The following PLD5 variants were observed in gnomAD, a reference collection of about 807,000 sequenced individuals.
The protein encoded by PLD5 is inactive phospholipase D5.
A neutral mutation model predicts 61.1 loss-of-function variants in PLD5; 36 were observed. The observed-to-expected ratio is 0.59, with a 90% CI of 0.45 to 0.78. The LOEUF (loss-of-function observed/expected upper bound fraction) is 0.78, where lower values mean the gene tolerates loss of function less well. Among genes scored for constraint, PLD5 ranks in the 30% least tolerant of loss-of-function variants. The pLI is 0.00. For synonymous variants in PLD5, 243 were observed against 242.8 expected, an observed-to-expected ratio of 1.00 and a Z score of -0.01; for missense variants, 515 against 644.4, an observed-to-expected ratio of 0.80 and a Z score of 2.17.
At chr1:242,157,100 A>G (rs552632630) in intron 5 of PLD5, among the ~76,000 whole-genome samples, 1 of 152,220 alleles carries the variant, frequency 6.6e-6, no homozygotes, top group East Asian at 1.9e-4. Flanking sequence ...TATTTCATTA[A>G]GTTGATCTTC....
At chr1:242,366,949 T>C (rs1435614683) in intron 1 of PLD5, among the ~76,000 whole-genome samples, 1 of 152,166 alleles carries the variant, frequency 6.6e-6, no homozygotes, top group Non-Finnish European at 1.5e-5. Flanking sequence ...CAGAAACATA[T>C]TGATTTGCAA....
At chr1:242,382,221 A>G (rs1662335174) in intron 1 of PLD5, among the ~76,000 whole-genome samples, 1 of 151,938 alleles carries the variant, frequency 6.6e-6, no homozygotes, top group African/African-American at 2.4e-5. Flanking sequence ...TTTATATGAG[A>G]TTCCTGTTAA....
At chr1:242,135,606 A>C (rs1442308636) in intron 5 of PLD5, among the ~76,000 whole-genome samples, 1 of 151,972 alleles carries the variant, frequency 6.6e-6, no homozygotes, top group Non-Finnish European at 1.5e-5. Flanking sequence ...TATTGATGGA[A>C]AGATACTGGA....
chr1:242,460,626 CACAT>C (rs1161689042), intron 1 of PLD5, among the ~76,000 whole-genome samples: 5 of 151,640 alleles, frequency 3.3e-5, no homozygotes, highest in Non-Finnish European at 7.3e-5. Context: ...ACACAAACAA[CACAT>C]ACATACATAC....
At chr1:242,213,531 A>T (rs1245339690) in intron 5 of PLD5, among the ~76,000 whole-genome samples, 1 of 152,094 alleles carries the variant, frequency 6.6e-6, no homozygotes, top group Non-Finnish European at 1.5e-5. Context: ...GTAAGACCTC[A>T]AAAGGTTAAA....
intron 1 of PLD5, among the ~76,000 whole-genome samples, chr1:242,382,080 T>C (rs1199734277): frequency 1.3e-5 from 2 of 149,826 alleles, no homozygotes; most frequent in Non-Finnish European, 3.0e-5. Context: ...AAACAGTGGG[T>C]GATTCCCGGG....
intron 5 of PLD5, among the ~76,000 whole-genome samples, chr1:242,207,611 C>T (rs937925429): frequency 6.6e-6 from 1 of 150,958 alleles, no homozygotes; most frequent in Non-Finnish European, 1.5e-5. Context: ...CTTTTTTTCC[C>T]ACTCTATTCA....
At chr1:242,163,812 T>C (rs376413090) in intron 5 of PLD5, among the ~76,000 whole-genome samples, 1 of 152,088 alleles carries the variant, frequency 6.6e-6, no homozygotes, top group African/African-American at 2.4e-5. Flanking sequence ...AAGAGCAGGA[T>C]GAGCAGGGAG....
chr1:242,446,590 A>C (rs1397482217), intron 1 of PLD5, among the ~76,000 whole-genome samples: 6 of 152,178 alleles, frequency 3.9e-5, no homozygotes, highest in Non-Finnish European at 7.3e-5. Context: ...AAAAGAAAAA[A>C]GAAATTTAAC....
intron 1 of PLD5, among the ~76,000 whole-genome samples, chr1:242,453,217 G>A (rs1239494103): frequency 6.6e-6 from 1 of 152,162 alleles, no homozygotes; most frequent in African/African-American, 2.4e-5. Context: ...TCCCCCAGGT[G>A]AGGACACAGG....
At chr1:242,205,536 C>T (rs1478759987) in intron 5 of PLD5, among the ~76,000 whole-genome samples, 1 of 152,146 alleles carries the variant, frequency 6.6e-6, no homozygotes. Context: ...GCCCAGGTAA[C>T]CTTCTATATC....
At chr1:242,163,480 A>G (rs570294645) in intron 5 of PLD5, among the ~76,000 whole-genome samples, 27 of 152,308 alleles carry the variant, frequency 1.8e-4, no homozygotes, top group Non-Finnish European at 2.1e-4. Flanking sequence ...AGAAGAGAGA[A>G]ATCCTGTGTG....
In PLD5 at chr1:242,149,352, CA is replaced by C. The variant is rs1453536768; in HGVS notation, c.736-24688del. Among the ~76,000 whole-genome samples the C allele has an allele frequency of 2.0e-5, 3 of 151,720 alleles. No individual in the cohort carries two copies. The East Asian group carries it at 5.8e-4, about 29-fold the overall frequency. The stretch of plus-strand genomic sequence containing the variant: ...ATTCCTGAGATAAACTCTACTTGAT[CA>C]TTTTTTATACATTGTTGCATTTAAT... On this transcript the variant is annotated intron_variant, in intron 5 of 9. Transcript: ENST00000536534.
chr1:242,297,343 CAAAAAA>C (rs34723393), intron 2 of PLD5, among the ~76,000 whole-genome samples: 1 of 63,116 alleles, frequency 1.6e-5, no homozygotes. Context: ...GACTCCTTCT[CAAAAAA>C]AAAAAAAAAA....
intron 2 of PLD5, among the ~76,000 whole-genome samples, chr1:242,341,544 T>G (rs1659832435): frequency 4.0e-5 from 1 of 24,816 alleles, no homozygotes; most frequent in African/African-American, 1.2e-4. Flanking sequence ...TTAGAAAGGA[T>G]GTATAAAAAG....
intron 1 of PLD5, among the ~76,000 whole-genome samples, chr1:242,391,149 T>C (rs963964463): frequency 5.9e-5 from 9 of 152,066 alleles, no homozygotes; most frequent in Non-Finnish European, 1.0e-4. Context: ...GAGCCGAGAT[T>C]GCACCACTGC....
intron 1 of PLD5, among the ~76,000 whole-genome samples, chr1:242,386,044 T>A (rs142958658): frequency 3.1e-4 from 47 of 152,264 alleles, no homozygotes; most frequent in Admixed American, 1.6e-3. Context: ...TCTCCTTGGC[T>A]TGTAGGTAGC....
intron 1 of PLD5, among the ~76,000 whole-genome samples, chr1:242,363,994 G>GA (rs1425866098): frequency 6.6e-6 from 1 of 152,070 alleles, no homozygotes; most frequent in East Asian, 1.9e-4. Context: ...GGAAGAGACA[G>GA]AAAAAATATT....
chr1:242,183,740 A>T (rs987593866), intron 5 of PLD5, among the ~76,000 whole-genome samples: 3 of 151,846 alleles, frequency 2.0e-5, no homozygotes, highest in African/African-American at 7.3e-5. Context: ...TAAAAATACA[A>T]AAAATTAGGC....
Sources: allele counts gnomAD v4.1 joint callset (sites outside exome capture counted in the v4.1 genomes callset), GRCh38; gene constraint gnomAD v4.1.1; transcripts MANE v1.5; gene names NCBI Gene and HGNC (gene_info 2026-07-23, HGNC 2026-07-21).